Variants in VAC14 observed in about 807,000 individuals in gnomAD.
The protein encoded by VAC14 is VAC14 component of PIKFYVE complex, also known as protein VAC14 homolog.
Under a neutral mutation model 85.3 loss-of-function variants are expected in VAC14, and 47 were observed. That is an observed-to-expected ratio of 0.55 (90% CI 0.44 to 0.70). The LOEUF (loss-of-function observed/expected upper bound fraction) is 0.70, where lower values mean the gene tolerates loss of function less well. VAC14 is among the 30% of genes least tolerant of loss of function. VAC14 has a pLI of 0.00. For missense variants in VAC14, 861 were observed against 1,004.3 expected (o/e 0.86, Z 1.93); for synonymous variants, 447 against 430.5 (o/e 1.04, Z -0.47).
intron 9 of VAC14, among the ~76,000 whole-genome samples, chr16:70,774,813 G>A (rs1239363512): frequency 7.7e-6 from 1 of 129,856 alleles, no homozygotes; most frequent in Non-Finnish European, 1.6e-5. Flanking sequence ...GCATGATCTT[G>A]GCGCTCACTG....
chr16:70,744,394 G>A, intron 13 of VAC14, 29 bp downstream of exon 13: 1 of 1,613,508 alleles, frequency 6.2e-7, no homozygotes, highest in Non-Finnish European at 8.5e-7. Flanking sequence ...TAAGGCCCCT[G>A]AGGCTAGAAC....
At position 70,800,673 on chromosome 16, in the gene VAC14, C is replaced by T. The variant is rs544906460; in HGVS notation, c.104+124G>A. The T allele has an allele frequency of 2.0e-4, 149 of 742,876 alleles. 1 individual carries two copies. The African/African-American group carries it at 2.4e-3, about 12-fold the overall frequency. The allele number at this position is 742,876 out of a possible 1,614,324, so 46.0% of individuals were successfully genotyped here. ...ATGGCTCCCAATCTGCTCTTAAACACTGCGCTAAGGTAAGGGCCTAAAACC... is the reference window on the plus strand; with the variant it reads ...ATGGCTCCCAATCTGCTCTTAAACATTGCGCTAAGGTAAGGGCCTAAAACC... On this transcript the variant is annotated intron_variant, in intron 1 of 18. Coordinates refer to ENST00000261776, the MANE Select transcript of VAC14 (RefSeq NM_018052.5).
chr16:70,709,169 G>A (rs1329610919), intron 14 of VAC14, among the ~76,000 whole-genome samples: 1 of 152,174 alleles, frequency 6.6e-6, no homozygotes, highest in East Asian at 1.9e-4. Context: ...TTTCAGCCCA[G>A]AGCCCTTTCT....
chr16:70,705,563 G>A (rs1362761252), intron 14 of VAC14, among the ~76,000 whole-genome samples: 2 of 152,260 alleles, frequency 1.3e-5, no homozygotes, highest in East Asian at 1.9e-4. Flanking sequence ...CACCAGCAGC[G>A]TGGAAAACAG....
intron 18 of VAC14, chr16:70,690,469 C>T: frequency 1.0e-6 from 1 of 985,652 alleles, no homozygotes. Flanking sequence ...CCATCCCACC[C>T]ATGCACCTGT....
chr16:70,781,801 C>T, intron 8 of VAC14, 68 bp downstream of exon 8: 1 of 1,580,370 alleles, frequency 6.3e-7, no homozygotes, highest in Non-Finnish European at 8.6e-7. Flanking sequence ...GCCCCCAGTG[C>T]AGGGTCCCTC....
chr16:70,798,795 C>A (rs1475773829), intron 1 of VAC14, among the ~76,000 whole-genome samples: 1 of 152,182 alleles, frequency 6.6e-6, no homozygotes, highest in Non-Finnish European at 1.5e-5. Context: ...CGCTTTTGGG[C>A]AGCAAGGTCC....
Position 70,780,833 on chromosome 16 carries a change from G to T in VAC14, c.1053C>A (p.Pro351=). 1.9e-6 allele frequency: 3 copies of T among 1,612,784 alleles called. No homozygotes were observed. Among genetic ancestry groups the T allele is most frequent in the Non-Finnish European group, 1.7e-6 (2 of 1,179,156 alleles). ...ELRPGQRQAE[P]TPDDALPKQE... Reference sequence around the variant, plus strand: ...GCTTTGGCAGGGCATCGTCAGGGGTGGGCTCTGCCTGCCTCTGCCCAGGTC... The same window carrying T: ...GCTTTGGCAGGGCATCGTCAGGGGTTGGCTCTGCCTGCCTCTGCCCAGGTC... The change falls in exon 9 of 19, where the codon CCC becomes CCA. Residue 351 remains proline (P), a synonymous_variant. Coordinates refer to ENST00000261776, the MANE Select transcript of VAC14 (RefSeq NM_018052.5).
intron 9 of VAC14, among the ~76,000 whole-genome samples, chr16:70,776,711 C>T (rs546892552): frequency 1.8e-4 from 28 of 151,926 alleles, no homozygotes; most frequent in African/African-American, 5.6e-4. Flanking sequence ...ATTAAAGATA[C>T]GCACCACCAC....
At chr16:70,737,562 C>T (rs186702167) in intron 13 of VAC14, among the ~76,000 whole-genome samples, 2 of 152,266 alleles carry the variant, frequency 1.3e-5, no homozygotes, top group Admixed American at 1.3e-4. Flanking sequence ...AAGTGAGGAG[C>T]CTGCCAGCCC....
chr16:70,707,516 T>C (rs1240786053), intron 14 of VAC14, among the ~76,000 whole-genome samples: 1 of 152,060 alleles, frequency 6.6e-6, no homozygotes, highest in Non-Finnish European at 1.5e-5. Context: ...CCCAGACACC[T>C]GTGCTGGGCT....
intron 14 of VAC14, chr16:70,699,487 C>G (rs1597854776): frequency 6.6e-6 from 1 of 152,400 alleles, no homozygotes; most frequent in African/African-American, 2.4e-5. Flanking sequence ...GGGCCATGAC[C>G]CCTTTCCCAT....
chr16:70,796,160 A>C (rs1313703117), intron 1 of VAC14, among the ~76,000 whole-genome samples: 1 of 152,156 alleles, frequency 6.6e-6, no homozygotes, highest in African/African-American at 2.4e-5. Flanking sequence ...GTAGGGGCAA[A>C]AGTTCTCCAG....
chr16:70,791,517 T>C (rs1377686931), intron 1 of VAC14, among the ~76,000 whole-genome samples: 1 of 152,194 alleles, frequency 6.6e-6, no homozygotes, highest in African/African-American at 2.4e-5. Flanking sequence ...CCTGAGTAGC[T>C]GGAGTCACAG....
At chr16:70,775,457 G>A (rs1294046804) in intron 9 of VAC14, among the ~76,000 whole-genome samples, 1 of 152,216 alleles carries the variant, frequency 6.6e-6, no homozygotes, top group Non-Finnish European at 1.5e-5. Flanking sequence ...ATGGCTTAGA[G>A]CAGTGCTATT....
intron 12 of VAC14, among the ~76,000 whole-genome samples, chr16:70,748,671 G>A (rs2031121172): frequency 6.6e-6 from 1 of 152,182 alleles, no homozygotes. Flanking sequence ...ACAAGGCCAG[G>A]TGCGGTGGCT....
intron 2 of VAC14, 166 bp from the exon 3 acceptor site, chr16:70,786,035 G>A: frequency 7.5e-7 from 1 of 1,339,530 alleles, no homozygotes; most frequent in Non-Finnish European, 1.0e-6. Flanking sequence ...GAGGGCCCAT[G>A]CCTAGGGGAC....
chr16:70,726,295 C>T (rs1271096236), intron 14 of VAC14, among the ~76,000 whole-genome samples: 2 of 152,224 alleles, frequency 1.3e-5, no homozygotes, highest in African/African-American at 2.4e-5. Context: ...TTAGCGGAGC[C>T]GGGCCGGGCC....
chr16:70,722,275 C>G (rs2054313164), intron 14 of VAC14, among the ~76,000 whole-genome samples: 1 of 152,220 alleles, frequency 6.6e-6, no homozygotes, highest in South Asian at 2.1e-4. Context: ...ACTGCATGCT[C>G]CCTTGCAGGG....
Sources: allele counts gnomAD v4.1 joint callset (sites outside exome capture counted in the v4.1 genomes callset), GRCh38; gene constraint gnomAD v4.1.1; transcripts MANE v1.5; gene names NCBI Gene and HGNC (gene_info 2026-07-23, HGNC 2026-07-21).